Variants in TRPC5 observed in about 807,000 individuals in gnomAD.
TRPC5 encodes short transient receptor potential channel 5.
TRPC5 carries 9 observed loss-of-function variants against 56.5 expected under a neutral mutation model. That is an observed-to-expected ratio of 0.16 (90% CI 0.10 to 0.28). The LOEUF is 0.28. Ranked by LOEUF, TRPC5 falls within the 10% of genes least tolerant of loss-of-function variation. TRPC5 has a pLI of 1.00. For synonymous variants in TRPC5, 282 were observed against 278.5 expected (o/e 1.01, Z -0.13); for missense variants, 469 against 748.9 (o/e 0.63, Z 4.36).
intron 1 of TRPC5, among the ~76,000 whole-genome samples, chrX:112,064,499 G>T (rs1930533834): frequency 8.9e-6 from 1 of 111,829 alleles, no homozygotes; most frequent in African/African-American, 3.3e-5. Flanking sequence ...GCTACCAATT[G>T]TGCCAGCTTC....
At chrX:112,041,333 A>C (rs1310808286) in intron 1 of TRPC5, among the ~76,000 whole-genome samples, 1 of 112,366 alleles carries the variant, frequency 8.9e-6, no homozygotes, top group African/African-American at 3.2e-5. Context: ...GCTAAGACCT[A>C]TGAAACTGAT....
intron 6 of TRPC5, among the ~76,000 whole-genome samples, chrX:111,843,115 C>T (rs756865057): frequency 3.6e-5 from 4 of 112,112 alleles, no homozygotes; most frequent in African/African-American, 9.7e-5. Flanking sequence ...TTATTTCTTC[C>T]GATTACAATG....
At chrX:111,797,253 C>T (rs1378127763) in intron 7 of TRPC5, among the ~76,000 whole-genome samples, 1 of 112,030 alleles carries the variant, frequency 8.9e-6, no homozygotes, top group African/African-American at 3.2e-5. Context: ...TTAATGGAGT[C>T]AATGGATCTA....
chrX:111,944,303 TGAGAGAGAGAGAGAGA>T (rs774055316), intron 2 of TRPC5, among the ~76,000 whole-genome samples: 29 of 61,390 alleles, frequency 4.7e-4, no homozygotes, highest in Non-Finnish European at 6.4e-4. Flanking sequence ...TGTGTGTGTG[TGAGAGAGAGAGAGAGA>T]GAGAGAGAGA....
Position 111,786,532 on chromosome X carries a change from A to G in TRPC5, c.1897-4394T>C, listed in dbSNP as rs745509351. Among the ~76,000 whole-genome samples, 525 of 111,450 alleles carry G rather than the reference A, an allele frequency of 4.7e-3. 2 individuals carry two copies. The highest frequency in any genetic ancestry group is 6.3e-3 in the Non-Finnish European group (336 of 53,187). On this transcript the variant is annotated intron_variant, in intron 7 of 10. Coordinates refer to ENST00000262839, the MANE Select transcript of TRPC5 (RefSeq NM_012471.3). ...TTAACGGGCAAAATAACCAGTGAAC[A>G]TCATAATGACAGGATCAAATTCACA...
intron 3 of TRPC5, among the ~76,000 whole-genome samples, chrX:111,877,322 A>G (rs943538351): frequency 1.8e-5 from 2 of 112,085 alleles, no homozygotes; most frequent in Admixed American, 9.5e-5. Context: ...TATCTCTGCT[A>G]CAAAATGATG....
intron 1 of TRPC5, among the ~76,000 whole-genome samples, chrX:111,984,820 G>A (rs962435660): frequency 3.6e-5 from 4 of 112,625 alleles, no homozygotes; most frequent in Non-Finnish European, 5.6e-5. Flanking sequence ...AGATAAAAGC[G>A]AACTGCTTCT....
At chrX:112,042,111 C>G (rs1929907301) in intron 1 of TRPC5, among the ~76,000 whole-genome samples, 1 of 111,716 alleles carries the variant, frequency 9.0e-6, no homozygotes, top group African/African-American at 3.3e-5. Flanking sequence ...AACTAATTCT[C>G]TATGTGCAGC....
chrX:111,975,493 G>A (rs550283866), intron 1 of TRPC5, among the ~76,000 whole-genome samples: 1 of 110,915 alleles, frequency 9.0e-6, no homozygotes, highest in South Asian at 3.8e-4. Context: ...CTGTTACACA[G>A]GTATACATGT....
At chrX:111,966,240 A>G (rs1927570471) in intron 1 of TRPC5, among the ~76,000 whole-genome samples, 2 of 112,239 alleles carry the variant, frequency 1.8e-5, no homozygotes, top group Admixed American at 9.4e-5. Context: ...AGAAATGGAT[A>G]AATTCCTCAA....
chrX:111,905,864 A>G lies in TRPC5; in HGVS notation c.900+6427T>C, dbSNP rs559709084. Among the ~76,000 whole-genome samples, 712 of 104,135 alleles carry G rather than the reference A, an allele frequency of 6.8e-3. 4 individuals are homozygous for G. Among genetic ancestry groups the G allele is most frequent in the South Asian group, 0.063 (138 of 2,195 alleles). 90.4% of individuals were successfully genotyped at this position (104,135 alleles called of 115,157 possible). A position where few individuals can be genotyped will look rare whatever the true frequency, so the allele number is the denominator to read the frequency against. ...TGGGAGGCGGAGCTTGCAGTGAGCC[A>G]AGATCGTGCCACTGCACTCCAGCCT... is the stretch of plus-strand genomic sequence containing the variant. On this transcript the variant is annotated intron_variant, in intron 3 of 10. Coordinates refer to ENST00000262839, the MANE Select transcript of TRPC5 (RefSeq NM_012471.3).
chrX:111,868,650 A>G (rs906754286), intron 3 of TRPC5, among the ~76,000 whole-genome samples: 6 of 112,188 alleles, frequency 5.3e-5, no homozygotes, highest in African/African-American at 1.9e-4. Context: ...TACAGCTGTA[A>G]ACACTTCTTC....
At position 111,865,472 on chromosome X, in the gene TRPC5, G is replaced by A. The variant is rs542695874; in HGVS notation, c.901-11366C>T. On this transcript the variant is annotated intron_variant, in intron 3 of 10. Coordinates refer to ENST00000262839, the MANE Select transcript of TRPC5 (RefSeq NM_012471.3). ...CTCCTGAGTAGCTGGGACTACAGGC[G>A]CACACCACCACGCCTGGCTAATTTT... 2.0e-3 allele frequency among the ~76,000 whole-genome samples: 222 copies of A among 109,727 alleles called. 1 individual carries two copies. The South Asian group carries it at 0.024, about 12-fold the overall frequency.
chrX:111,893,576 C>G (rs1317759379), intron 3 of TRPC5, among the ~76,000 whole-genome samples: 2 of 112,188 alleles, frequency 1.8e-5, no homozygotes, highest in Non-Finnish European at 3.8e-5. Context: ...CAGCAATGAA[C>G]AAATTTGGAG....
intron 3 of TRPC5, among the ~76,000 whole-genome samples, chrX:111,908,366 ATG>A (rs1213569411): frequency 8.9e-6 from 1 of 111,882 alleles, no homozygotes; most frequent in East Asian, 2.8e-4. Context: ...GAAACTAATT[ATG>A]TTAAAATTGA....
At chrX:112,004,637 G>A (rs145346447) in intron 1 of TRPC5, among the ~76,000 whole-genome samples, 2 of 111,680 alleles carry the variant, frequency 1.8e-5, no homozygotes, top group Non-Finnish European at 3.8e-5. Flanking sequence ...ATCCCAGCAA[G>A]TTGTATTTCA....
intron 1 of TRPC5, among the ~76,000 whole-genome samples, chrX:112,026,789 T>C (rs752842074): frequency 1.8e-5 from 2 of 110,829 alleles, no homozygotes; most frequent in Non-Finnish European, 3.8e-5. Context: ...TGAAAGCTTC[T>C]TAATGGCGGT....
At chrX:111,928,361 A>C (rs1465327227) in intron 2 of TRPC5, among the ~76,000 whole-genome samples, 1 of 112,124 alleles carries the variant, frequency 8.9e-6, no homozygotes, top group African/African-American at 3.2e-5. Flanking sequence ...GTTCTTTCCA[A>C]ACATAATCTG....
At chrX:111,857,128 G>T (rs1923261895) in intron 3 of TRPC5, among the ~76,000 whole-genome samples, 1 of 111,899 alleles carries the variant, frequency 8.9e-6, no homozygotes, top group African/African-American at 3.3e-5. Flanking sequence ...ATATTATTAT[G>T]CATGTAAGAA....
Sources: gnomAD v4.1 joint callset for allele counts (sites outside exome capture counted in the v4.1 genomes callset) on GRCh38, gnomAD v4.1.1 for gene constraint, MANE v1.5 for transcripts, NCBI Gene and HGNC (gene_info 2026-07-23, HGNC 2026-07-21) for gene names.